CSMD2: variants seen among roughly 807,000 people sequenced by gnomAD.
The protein encoded by CSMD2 is CUB and Sushi multiple domains 2, also known as CUB and sushi domain-containing protein 2.
In CSMD2, 130 loss-of-function variants were observed where a neutral mutation model predicts 398.5. The observed-to-expected ratio is 0.33, with a 90% confidence interval of 0.28 to 0.38. CSMD2 has a LOEUF of 0.38. CSMD2 is among the 10% of genes least tolerant of loss of function. The pLI is 1.00. For synonymous variants in CSMD2, 1,828 were observed against 1,908.5 expected (o/e 0.96, Z 1.10); for missense variants, 3,829 against 4,764.9 (o/e 0.80, Z 5.78).
intron 2 of CSMD2, among the ~76,000 whole-genome samples, chr1:34,077,598 G>T (rs956246897): frequency 6.6e-6 from 1 of 150,576 alleles, no homozygotes; most frequent in Admixed American, 6.6e-5. Context: ...TTAGTTGGGC[G>T]TGGTGGCGGG....
chr1:33,606,091 A>G, intron 41 of CSMD2: 1 of 1,467,080 alleles, frequency 6.8e-7, no homozygotes, highest in Non-Finnish European at 9.0e-7. Flanking sequence ...TGTTTCCATG[A>G]GAGTGGGTGG....
chr1:33,989,023 T>C (rs524113), intron 3 of CSMD2, among the ~76,000 whole-genome samples: 384 of 6,492 alleles, frequency 0.059, 10 homozygotes, highest in East Asian at 0.27. Flanking sequence ...CATATATATA[T>C]ATATATATAT....
At chr1:33,613,621 C>T (rs769078953) in intron 40 of CSMD2, among the ~76,000 whole-genome samples, 1 of 152,210 alleles carries the variant, frequency 6.6e-6, no homozygotes, top group African/African-American at 2.4e-5. Context: ...TAATCACACT[C>T]CAGGCTGAAT....
At chr1:34,146,156 C>T (rs1048266737) in intron 1 of CSMD2, among the ~76,000 whole-genome samples, 1 of 152,172 alleles carries the variant, frequency 6.6e-6, no homozygotes, top group African/African-American at 2.4e-5. Flanking sequence ...ACCTCAGCCT[C>T]CCGAGTCACC....
At chr1:33,937,201 C>T (rs959130469) in intron 3 of CSMD2, among the ~76,000 whole-genome samples, 7 of 152,276 alleles carry the variant, frequency 4.6e-5, no homozygotes, top group South Asian at 4.2e-4. Context: ...ATCTAACCCT[C>T]GGTACAGTGG....
At chr1:33,645,421 C>T (rs544973442) in intron 29 of CSMD2, among the ~76,000 whole-genome samples, 1 of 150,318 alleles carries the variant, frequency 6.7e-6, no homozygotes, top group East Asian at 2.0e-4. Flanking sequence ...TATAAAATAT[C>T]TTTTAATCTT....
intron 1 of CSMD2, among the ~76,000 whole-genome samples, chr1:34,105,638 A>C (rs183401437): frequency 6.6e-6 from 1 of 152,338 alleles, no homozygotes; most frequent in African/African-American, 2.4e-5. Flanking sequence ...GTAAAACAAA[A>C]TACATAGAAT....
intron 4 of CSMD2, among the ~76,000 whole-genome samples, chr1:33,923,779 G>A (rs111871259): frequency 1.1e-4 from 17 of 152,268 alleles, no homozygotes; most frequent in East Asian, 3.9e-4. Flanking sequence ...GCCATGGACC[G>A]GGACCTGTTA....
intron 6 of CSMD2, among the ~76,000 whole-genome samples, chr1:33,832,076 C>A (rs1247361578): frequency 7.0e-6 from 1 of 143,024 alleles, no homozygotes; most frequent in Admixed American, 7.1e-5. Context: ...GACTTTAACA[C>A]CCCACTGTCA....
Position 33,523,315 on chromosome 1 carries a change from C to G in CSMD2, c.10501G>C (p.Asp3501His). The G allele has an allele frequency of 6.5e-7, 1 of 1,540,212 alleles. No individual in the cohort carries two copies. Among genetic ancestry groups the G allele is most frequent in the East Asian group, 2.2e-5 (1 of 44,488 alleles). Residue 3501 changes from aspartate (D) to histidine (H), a missense_variant, in exon 67 of 71, where the codon GAT becomes CAT. Asp to His is a moderately conservative substitution (Grantham distance 81, BLOSUM62 -1). Coordinates refer to ENST00000373381, the MANE Select transcript of CSMD2 (RefSeq NM_001281956.2). ...NKFKDDHWAL[D>H]GHVSSESSGA... ...GAGTTTGCTGAACTTACATGGCCAT[C>G]TAAAGCCCAGTGATCATCTTTGAAC...
intron 32 of CSMD2, 153 bp from the exon 33 acceptor site, chr1:33,626,734 T>G: frequency 1.7e-6 from 1 of 586,632 alleles, no homozygotes; most frequent in Non-Finnish European, 3.0e-6. Flanking sequence ...TCACGTATTT[T>G]TACTGCACTT....
intron 3 of CSMD2, among the ~76,000 whole-genome samples, chr1:33,949,365 G>A (rs912206550): frequency 5.9e-5 from 9 of 152,210 alleles, no homozygotes; most frequent in Admixed American, 5.9e-4. Flanking sequence ...GGCCCCAGGA[G>A]CCAGAACATG....
At chr1:33,542,271 G>A (rs1054384641) in intron 58 of CSMD2, among the ~76,000 whole-genome samples, 27 of 152,182 alleles carry the variant, frequency 1.8e-4, no homozygotes, top group Non-Finnish European at 2.9e-5. Flanking sequence ...GGGTGGGGTC[G>A]GGTACAAGGA....
chr1:34,142,350 C>T (rs763927801), intron 1 of CSMD2, among the ~76,000 whole-genome samples: 2 of 152,158 alleles, frequency 1.3e-5, no homozygotes, highest in African/African-American at 4.8e-5. Context: ...GGCCCAAGAT[C>T]GGCTCTTCTC....
rs552206895 is a variant in CSMD2, at chr1:33,873,385, C to A, written c.921-26389G>T. 3.3e-5 allele frequency among the ~76,000 whole-genome samples: 5 copies of A among 152,308 alleles called. 1 individual carries two copies. Among genetic ancestry groups the A allele is most frequent in the African/African-American group, 9.6e-5 (4 of 41,580 alleles). ...TCTGGTATTCATGTCCTTGTGCAGT[C>A]CCCTCCCTTTGTGTGTGGGCTGGAC... is the stretch of plus-strand genomic sequence containing the variant. On this transcript the variant is annotated intron_variant, in intron 5 of 70. Coordinates refer to ENST00000373381, the MANE Select transcript of CSMD2 (RefSeq NM_001281956.2).
chr1:33,859,476 T>G (rs1639331800), intron 5 of CSMD2, among the ~76,000 whole-genome samples: 1 of 152,248 alleles, frequency 6.6e-6, no homozygotes, highest in African/African-American at 2.4e-5. Flanking sequence ...CAGGCCCACC[T>G]GATAATCCAG....
chr1:33,861,158 G>A (rs1349410892), intron 5 of CSMD2: 1 of 152,176 alleles, frequency 6.6e-6, no homozygotes, highest in Admixed American at 6.5e-5. Context: ...TATTAAGTAT[G>A]TATGTATGTA....
At chr1:33,986,464 C>A (rs1646363113) in intron 3 of CSMD2, among the ~76,000 whole-genome samples, 1 of 152,138 alleles carries the variant, frequency 6.6e-6, no homozygotes, top group Non-Finnish European at 1.5e-5. Context: ...GAAACTGAGG[C>A]TCAGAGAAGC....
At chr1:33,977,425 T>C (rs1253275477) in intron 3 of CSMD2, among the ~76,000 whole-genome samples, 1 of 151,978 alleles carries the variant, frequency 6.6e-6, no homozygotes, top group Admixed American at 6.5e-5. Flanking sequence ...TTCAACCCCA[T>C]GAATGTTCAG....
Sources: allele counts gnomAD v4.1 joint callset (sites outside exome capture counted in the v4.1 genomes callset), GRCh38; gene constraint gnomAD v4.1.1; transcripts MANE v1.5; gene names NCBI Gene and HGNC (gene_info 2026-07-23, HGNC 2026-07-21).